The following ALG12 variants were observed in gnomAD, a reference collection of about 807,000 sequenced individuals.
The protein encoded by ALG12 is dol-P-Man:Man(7)GlcNAc(2)-PP-Dol alpha-1,6-mannosyltransferase.
Under a neutral mutation model 46.0 loss-of-function variants are expected in ALG12, and 36 were observed. The ratio of observed to expected loss-of-function variants is 0.78; its 90% CI spans 0.60 to 1.03. ALG12 has a LOEUF of 1.03. Ranked by LOEUF, ALG12 falls within the 50% of genes least tolerant of loss-of-function variation. ALG12 has a pLI of 0.00. For synonymous variants in ALG12, 326 were observed against 291.6 expected (o/e 1.12, Z -1.20); for missense variants, 599 against 633.5 (o/e 0.95, Z 0.58).
intron 5 of ALG12, 117 bp from the exon 6 acceptor site, chr22:49,909,464 G>T: frequency 9.2e-7 from 1 of 1,083,852 alleles, no homozygotes; most frequent in Non-Finnish European, 1.4e-6. Context: ...AAAGAGGTTG[G>T]GCAGGGTGGG....
the ALG12 span, chr22:49,887,193 C>A: frequency 6.3e-7 from 1 of 1,593,114 alleles, no homozygotes; most frequent in Non-Finnish European, 8.6e-7. Context: ...CACGACGGCA[C>A]CACTAGGCCA....
chr22:49,907,924 G>T lies in ALG12; in HGVS notation c.789C>A (p.Tyr263Ter), dbSNP rs2147585338. 3 of 1,613,122 alleles carry T rather than the reference G, an allele frequency of 1.9e-6. No individual in the cohort carries two copies. The highest frequency in any genetic ancestry group is 2.2e-5 in the South Asian group (2 of 91,076). Residue 263 changes from tyrosine to a stop codon, truncating the protein, a stop_gained, in exon 7 of 10, where the codon TAC becomes TAA. Coordinates refer to ENST00000330817, the MANE Select transcript of ALG12 (RefSeq NM_024105.4). LOFTEE classifies it high-confidence loss of function. ...GGCCGCGGGGCAGGGCTGAGTAGAA[G>T]TACCACAGCAGCGGGGAGGTCTGCG... ...SNWGTSPLLWYFYSALPRGLG... is the reference protein window; with the variant it reads ...SNWGTSPLLW
At chr22:49,891,458 T>C in the ALG12 span, among the ~76,000 whole-genome samples, 1 of 152,230 alleles carries the variant, frequency 6.6e-6, no homozygotes, top group Non-Finnish European at 1.5e-5. Flanking sequence ...ATCAATATTT[T>C]CCTTGCAAAT....
At chr22:49,916,391 G>C (rs572028018) in intron 1 of ALG12, among the ~76,000 whole-genome samples, 21 of 152,258 alleles carry the variant, frequency 1.4e-4, no homozygotes, top group African/African-American at 4.8e-4. Context: ...GACCAGCCTA[G>C]CCAGCATGGT....
Position 49,913,761 on chromosome 22 carries a change from G to T in ALG12, c.5C>A (p.Ala2Asp), listed in dbSNP as rs1318754220. 8 of 1,613,254 alleles carry T rather than the reference G, an allele frequency of 5.0e-6. No individual in the cohort carries two copies. The highest frequency in any genetic ancestry group is 6.8e-6 in the Non-Finnish European group (8 of 1,180,048). Residue 2 changes from alanine to aspartate, a missense_variant, in exon 2 of 10, where the codon GCT becomes GAT. Physicochemically the swap from Ala to Asp is moderately radical, Grantham distance 126. Coordinates refer to ENST00000330817, the MANE Select transcript of ALG12 (RefSeq NM_024105.4). ...CCGCCTGCCTGATGACCCCTTTCCA[G>T]CCATTCCAGGCTTTCAGCTTCACGT... Reference protein sequence around the residue: MAGKGSSGRRPL... With the variant: MDGKGSSGRRPL...
At chr22:49,870,478 C>T in the ALG12 span, among the ~76,000 whole-genome samples, 3 of 152,136 alleles carry the variant, frequency 2.0e-5, no homozygotes, top group African/African-American at 7.2e-5. Context: ...TGTAGCCTCT[C>T]CAGCATCTGT....
At chr22:49,883,572 A>G in the ALG12 span, 1 of 1,429,748 alleles carries the variant, frequency 7.0e-7, no homozygotes, top group Non-Finnish European at 9.2e-7. Flanking sequence ...ATGACGAAAA[A>G]GTGAAGATAA....
the ALG12 span, among the ~76,000 whole-genome samples, chr22:49,865,557 C>T: frequency 6.6e-6 from 1 of 152,024 alleles, no homozygotes; most frequent in East Asian, 1.9e-4. Flanking sequence ...CACCTGTAAT[C>T]CCAGCTACTC....
At chr22:49,883,898 G>A in the ALG12 span, 2 of 1,608,066 alleles carry the variant, frequency 1.2e-6, no homozygotes, top group South Asian at 1.1e-5. Flanking sequence ...TCTGCAGAGA[G>A]TGAGGATGAC....
the ALG12 span, among the ~76,000 whole-genome samples, chr22:49,880,250 A>G: frequency 6.6e-6 from 1 of 152,078 alleles, no homozygotes; most frequent in Admixed American, 6.5e-5. Flanking sequence ...TTGGTGGTGG[A>G]AACACAAGCT....
intron 7 of ALG12, 40 bp from the exon 8 acceptor site, chr22:49,904,546 T>C: frequency 6.2e-7 from 1 of 1,610,724 alleles, no homozygotes; most frequent in Non-Finnish European, 8.5e-7. Flanking sequence ...CAGAACGTAA[T>C]GACAATAAAA....
At chr22:49,877,103 G>A in the ALG12 span, among the ~76,000 whole-genome samples, 1 of 152,052 alleles carries the variant, frequency 6.6e-6, no homozygotes, top group East Asian at 1.9e-4. Flanking sequence ...GTAAATGAAC[G>A]CTGGCAGTGA....
downstream of ALG12, among the ~76,000 whole-genome samples, chr22:49,899,245 G>A (rs891965341): frequency 1.3e-5 from 2 of 152,178 alleles, no homozygotes; most frequent in African/African-American, 4.8e-5. Flanking sequence ...GGGAGGCCGA[G>A]GCGAGTGGAT....
chr22:49,896,692 A>G (rs567148696), downstream of ALG12, among the ~76,000 whole-genome samples: 4 of 152,226 alleles, frequency 2.6e-5, no homozygotes, highest in South Asian at 4.1e-4. Flanking sequence ...CTGGAGTACA[A>G]TGGCGTGATC....
At chr22:49,889,504 T>C in the ALG12 span, 2 of 167,182 alleles carry the variant, frequency 1.2e-5, no homozygotes, top group African/African-American at 2.4e-5. Flanking sequence ...TTCATGCTGC[T>C]GTATTTTTAG....
intron 3 of ALG12, among the ~76,000 whole-genome samples, chr22:49,912,674 G>C (rs2060585481): frequency 6.6e-6 from 1 of 152,170 alleles, no homozygotes; most frequent in African/African-American, 2.4e-5. Flanking sequence ...AAAGCGTACT[G>C]AAATAAAAAA....
intron 3 of ALG12, among the ~76,000 whole-genome samples, chr22:49,912,112 G>A (rs893678276): frequency 6.1e-4 from 80 of 132,058 alleles, no homozygotes; most frequent in African/African-American, 2.4e-3. Context: ...CCTCGGCCCC[G>A]GGATCAGCCT....
the ALG12 span, among the ~76,000 whole-genome samples, chr22:49,892,695 G>A: frequency 6.6e-6 from 1 of 152,232 alleles, no homozygotes; most frequent in African/African-American, 2.4e-5. Context: ...CCCTCACCAA[G>A]TCTGGACATG....
the ALG12 span, among the ~76,000 whole-genome samples, chr22:49,865,503 A>G: frequency 1.3e-5 from 2 of 151,852 alleles, no homozygotes; most frequent in Non-Finnish European, 2.9e-5. Flanking sequence ...CAAAAAAAAA[A>G]AAATAATAAC....
Sources: allele counts gnomAD v4.1 joint callset (sites outside exome capture counted in the v4.1 genomes callset), GRCh38; gene constraint gnomAD v4.1.1; transcripts MANE v1.5; gene names NCBI Gene and HGNC (gene_info 2026-07-23, HGNC 2026-07-21).